Variants in DBI observed in about 807,000 individuals in gnomAD.
DBI encodes the protein acyl-CoA-binding protein.
A neutral mutation model predicts 13.0 loss-of-function variants in DBI; 12 were observed. The ratio of observed to expected loss-of-function variants is 0.92; its 90% CI spans 0.59 to 1.49. DBI has a LOEUF of 1.49. Among genes scored for constraint, DBI ranks in the 40% most tolerant of loss-of-function variants. The pLI, the probability that DBI is intolerant of heterozygous loss-of-function variation, is 0.00. For missense variants in DBI, 95 were observed against 104.8 expected, an observed-to-expected ratio of 0.91 and a Z score of 0.41; for synonymous variants, 37 against 37.4, an observed-to-expected ratio of 0.99 and a Z score of 0.04.
rs530783915 is a variant in DBI at position 119,367,001 on chromosome 2, T to C, written c.-51T>C. The C allele has an allele frequency of 2.5e-6, 4 of 1,612,818 alleles. No homozygotes were observed. The highest frequency in any genetic ancestry group is 4.5e-5 in the East Asian group (2 of 44,850). On this transcript the variant is annotated 5_prime_UTR_variant, in exon 1 of 4. Coordinates refer to ENST00000355857, the MANE Select transcript of DBI (RefSeq NM_001079862.4). ...CAGTGCAATCTGGGCGATCGCTTCC[T>C]GGTCCTCGCCTCCTCCGCTGTCTCC...
chr2:119,372,179 C>T (rs1274910668), intron 3 of DBI, 66 bp from the exon 4 acceptor site: 2 of 1,174,652 alleles, frequency 1.7e-6, no homozygotes, highest in Admixed American at 1.7e-5. Context: ...CTGCCTGGGG[C>T]TCTGGAGGCT....
At chr2:119,367,190 G>C in intron 1 of DBI, 130 bp downstream of exon 1, 1 of 1,483,070 alleles carries the variant, frequency 6.7e-7, no homozygotes, top group Non-Finnish European at 8.9e-7. Flanking sequence ...CCCATGCCTA[G>C]CCCTGATTCG....
At chr2:119,371,387 G>T (rs1181313358) in intron 3 of DBI, among the ~76,000 whole-genome samples, 1 of 152,198 alleles carries the variant, frequency 6.6e-6, no homozygotes, top group Admixed American at 6.5e-5. Context: ...CAGCATTAGT[G>T]TTCCTGCTGG....
chr2:119,370,318 A>T (rs1389609687), intron 2 of DBI: 1 of 154,460 alleles, frequency 6.5e-6, no homozygotes, highest in Non-Finnish European at 1.4e-5. Flanking sequence ...ATAGGAAAGG[A>T]CACCTGATAT....
intron 3 of DBI, among the ~76,000 whole-genome samples, chr2:119,371,142 C>G (rs1023162920): frequency 6.6e-6 from 1 of 152,152 alleles, no homozygotes; most frequent in Non-Finnish European, 1.5e-5. Flanking sequence ...TCCCTCTCCC[C>G]TACAAGGCCA....
chr2:119,371,863 C>T (rs1466988540), intron 3 of DBI, among the ~76,000 whole-genome samples: 1 of 152,188 alleles, frequency 6.6e-6, no homozygotes, highest in Non-Finnish European at 1.5e-5. Context: ...ACTGAAAAGG[C>T]CAAAGCCAAT....
intron 2 of DBI, among the ~76,000 whole-genome samples, chr2:119,369,553 C>T (rs903645883): frequency 7.9e-5 from 12 of 152,092 alleles, no homozygotes; most frequent in East Asian, 3.9e-4. Context: ...TTTGGGAGGC[C>T]GAAGCAAGCG....
rs772157093 is a variant in DBI at position 119,368,319 on chromosome 2, G to A, written c.127+14G>A. ...ACATAAATACAGGTATGCAGAGCGG[G>A]GGTTGGAAGGGCATCTGCTCATCAA... On this transcript the variant is annotated intron_variant, in intron 2 of 3. Coordinates refer to ENST00000355857, the MANE Select transcript of DBI (RefSeq NM_001079862.4). 6.9e-6 allele frequency: 11 copies of A among 1,584,782 alleles called. No homozygotes were observed. In the Admixed American group the frequency reaches 1.2e-4, roughly 17 times the overall value.
At chr2:119,368,119 C>T in intron 1 of DBI, 69 bp from the exon 2 acceptor site, 4 of 1,508,676 alleles carry the variant, frequency 2.7e-6, no homozygotes, top group Middle Eastern at 2.1e-4. Flanking sequence ...TGTCATCAGG[C>T]CACAGTAGGA....
chr2:119,368,024 G>A (rs1681192198), intron 1 of DBI, 164 bp from the exon 2 acceptor site: 1 of 1,557,986 alleles, frequency 6.4e-7, no homozygotes, highest in Admixed American at 1.7e-5. Context: ...CTGCCCTGTT[G>A]GGGCAGGGAG....
At chr2:119,371,462 C>T (rs1357527369) in intron 3 of DBI, among the ~76,000 whole-genome samples, 1 of 152,170 alleles carries the variant, frequency 6.6e-6, no homozygotes, top group Non-Finnish European at 1.5e-5. Flanking sequence ...GAAAGGGCCA[C>T]AATACAATAA....
At position 119,372,301 on chromosome 2, in the gene DBI, A is replaced by C; in HGVS notation, c.247A>C (p.Lys83Gln). 6.2e-7 allele frequency: 1 copy of C among 1,613,064 alleles called. No individual in the cohort carries two copies. Among genetic ancestry groups the C allele is most frequent in the Non-Finnish European group, 8.5e-7 (1 of 1,179,058 alleles). The change falls in exon 4 of 4, where the codon AAA (lysine) becomes CAA (glutamine). Residue 83 changes from lysine (K) to glutamine (Q), a missense_variant. Coordinates refer to ENST00000355857, the MANE Select transcript of DBI (RefSeq NM_001079862.4). ...AYINKVEELK[K>Q]KYGI ...CATCAACAAAGTAGAAGAGCTAAAG[A>C]AAAAATACGGGATATGAGAGACTGG...
Position 119,372,465 on chromosome 2 carries a change from T to C in DBI, c.*147T>C, listed in dbSNP as rs1471549117. On this transcript the variant is annotated 3_prime_UTR_variant, in exon 4 of 4. Coordinates refer to ENST00000355857, the MANE Select transcript of DBI (RefSeq NM_001079862.4). ...CTGCTCACCATACGGCTCTAACAGA[T>C]TAGGGGCTAAAACGATTACTGACTT... is the stretch of plus-strand genomic sequence containing the variant. 3 of 581,688 alleles carry C rather than the reference T, an allele frequency of 5.2e-6. No individual in the cohort carries two copies. Among genetic ancestry groups the C allele is most frequent in the Non-Finnish European group, 9.3e-6 (3 of 323,232 alleles). The allele number at this position is 581,688 out of a possible 1,614,324, so 36.0% of individuals were successfully genotyped here.
rs950646242 is a variant in DBI, at chr2:119,372,442, G to A, written c.*124G>A. 1.4e-5 allele frequency: 10 copies of A among 707,552 alleles called. No homozygotes were observed. Among genetic ancestry groups the A allele is most frequent in the Non-Finnish European group, 2.2e-5 (9 of 401,888 alleles). The allele number at this position is 707,552 out of a possible 1,614,324, so 43.8% of individuals were successfully genotyped here. A position where few individuals can be genotyped will look rare whatever the true frequency, so the allele number is the denominator to read the frequency against. ...CCAGTTAAACCAGCTACTCAAGGCT[G>A]CTCACCATACGGCTCTAACAGATTA... On this transcript the variant is annotated 3_prime_UTR_variant, in exon 4 of 4. Coordinates refer to ENST00000355857, the MANE Select transcript of DBI (RefSeq NM_001079862.4).
intron 3 of DBI, 126 bp downstream of exon 3, chr2:119,370,928 T>A: frequency 1.3e-6 from 1 of 787,486 alleles, no homozygotes; most frequent in Non-Finnish European, 2.0e-6. Context: ...CAGCCTGACC[T>A]GTGCCAGAAT....
chr2:119,371,047 G>A (rs144213381), intron 3 of DBI, among the ~76,000 whole-genome samples: 1 of 152,298 alleles, frequency 6.6e-6, no homozygotes, highest in East Asian at 1.9e-4. Flanking sequence ...TGGGAACCAG[G>A]CCACTGAAAA....
chr2:119,368,317 G>T lies in DBI; in HGVS notation c.127+12G>T. On this transcript the variant is annotated intron_variant, in intron 2 of 3. Coordinates refer to ENST00000355857, the MANE Select transcript of DBI (RefSeq NM_001079862.4). ...CGACATAAATACAGGTATGCAGAGC[G>T]GGGGTTGGAAGGGCATCTGCTCATC... 6.2e-7 allele frequency: 1 copy of T among 1,600,620 alleles called. No individual in the cohort carries two copies. Among genetic ancestry groups the T allele is most frequent in the South Asian group, 1.1e-5 (1 of 90,780 alleles).
rs1274896860 is a variant in DBI, at chr2:119,368,309, T to G, written c.127+4T>G. On this transcript the variant is annotated splice_donor_region_variant and intron_variant, in intron 2 of 3. Coordinates refer to ENST00000355857, the MANE Select transcript of DBI (RefSeq NM_001079862.4). The stretch of plus-strand genomic sequence containing the variant: ...ACTGTGGGCGACATAAATACAGGTA[T>G]GCAGAGCGGGGGTTGGAAGGGCATC... The G allele has an allele frequency of 3.7e-6, 6 of 1,607,806 alleles. No individual in the cohort carries two copies. The South Asian group carries it at 6.6e-5, about 18-fold the overall frequency.
intron 2 of DBI, 74 bp downstream of exon 2, chr2:119,368,379 GA>G: frequency 1.8e-6 from 2 of 1,120,890 alleles, no homozygotes; most frequent in East Asian, 2.3e-5. Flanking sequence ...AAGTCCCTGG[GA>G]ACTTCACTCT....
Sources: gnomAD v4.1 joint callset for allele counts (sites outside exome capture counted in the v4.1 genomes callset) on GRCh38, gnomAD v4.1.1 for gene constraint, MANE v1.5 for transcripts, NCBI Gene and HGNC (gene_info 2026-07-23, HGNC 2026-07-21) for gene names.